Variants in LURAP1L observed in about 807,000 individuals in gnomAD.
LURAP1L encodes leucine rich adaptor protein 1 like, also known as leucine rich adaptor protein 1-like.
In LURAP1L, 12 loss-of-function variants were observed where a neutral mutation model predicts 13.8. That is an observed-to-expected ratio of 0.87 (90% CI 0.56 to 1.41). The LOEUF (loss-of-function observed/expected upper bound fraction) is 1.41, where lower values mean the gene tolerates loss of function less well. Ranked by LOEUF, LURAP1L falls within the 40% of genes most tolerant of loss-of-function variation. The pLI, the probability that LURAP1L is intolerant of heterozygous loss-of-function variation, is 0.00. For synonymous variants in LURAP1L, 139 were observed against 119.2 expected (o/e 1.17, Z -1.08); for missense variants, 375 against 292.9 (o/e 1.28, Z -2.04).
At chr9:12,790,641 G>T (rs1442605429) in intron 1 of LURAP1L, 3 of 152,036 alleles carry the variant, frequency 2.0e-5, no homozygotes, top group African/African-American at 7.2e-5. Context: ...TGCTGCAGGA[G>T]AATTTCTCGT....
chr9:12,814,677 T>A (rs552732407), intron 1 of LURAP1L, among the ~76,000 whole-genome samples: 6 of 152,330 alleles, frequency 3.9e-5, no homozygotes, highest in Middle Eastern at 3.4e-3. Flanking sequence ...AGGAGTCACA[T>A]GTGCTCCTTT....
chr9:12,804,123 G>A (rs1563894998), intron 1 of LURAP1L, among the ~76,000 whole-genome samples: 1 of 152,040 alleles, frequency 6.6e-6, no homozygotes, highest in Non-Finnish European at 1.5e-5. Context: ...GTGCAATAGG[G>A]TGGCTTTTAT....
At chr9:12,782,587 A>T (rs969368649) in intron 1 of LURAP1L, among the ~76,000 whole-genome samples, 1 of 152,088 alleles carries the variant, frequency 6.6e-6, no homozygotes, top group East Asian at 1.9e-4. Context: ...ATTTTGTTCC[A>T]TTGCTCAGTG....
chr9:12,816,672 T>G (rs1456186395), intron 1 of LURAP1L, among the ~76,000 whole-genome samples: 2 of 152,214 alleles, frequency 1.3e-5, no homozygotes, highest in Non-Finnish European at 2.9e-5. Context: ...TCATTTCAAG[T>G]TCTACCATAG....
At chr9:12,793,555 G>A (rs574926863) in intron 1 of LURAP1L, among the ~76,000 whole-genome samples, 7 of 152,048 alleles carry the variant, frequency 4.6e-5, no homozygotes, top group East Asian at 1.9e-4. Flanking sequence ...GGGATTATAA[G>A]AGACTAATTT....
chr9:12,786,494 ATAT>A (rs1432243050), intron 1 of LURAP1L, among the ~76,000 whole-genome samples: 1 of 141,208 alleles, frequency 7.1e-6, no homozygotes, highest in East Asian at 2.1e-4. Flanking sequence ...TCTGAGAATA[ATAT>A]TAATGAACCC....
intron 1 of LURAP1L, among the ~76,000 whole-genome samples, chr9:12,814,697 C>T (rs1243331069): frequency 6.6e-6 from 1 of 152,192 alleles, no homozygotes; most frequent in Non-Finnish European, 1.5e-5. Flanking sequence ...TCAAATACAC[C>T]AGATACAGCT....
chr9:12,777,430 T>A lies in LURAP1L; in HGVS notation c.312+1403T>A, dbSNP rs1004722169. On this transcript the variant is annotated intron_variant, in intron 1 of 1. Transcript: ENST00000319264. ...TTCTTGTACAAGGAATTAAGAATGT[T>A]GCTAACTCTGCAAATTAAGGACTTA... 3 of 985,250 alleles carry A rather than the reference T, an allele frequency of 3.0e-6. No individual in the cohort carries two copies. In the African/African-American group the frequency reaches 5.2e-5, roughly 17 times the overall value. 61.0% of individuals were successfully genotyped at this position (985,250 alleles called of 1,614,324 possible). A position where few individuals can be genotyped will look rare whatever the true frequency, so the allele number is the denominator to read the frequency against.
chr9:12,799,127 A>G (rs910767141), intron 1 of LURAP1L, among the ~76,000 whole-genome samples: 5 of 152,160 alleles, frequency 3.3e-5, no homozygotes, highest in African/African-American at 9.6e-5. Context: ...GAATCAGAAC[A>G]TCAAGATATT....
intron 1 of LURAP1L, 73 bp from the exon 2 acceptor site, chr9:12,821,313 G>T: frequency 2.0e-6 from 3 of 1,487,398 alleles, no homozygotes; most frequent in Non-Finnish European, 1.8e-6. Flanking sequence ...GCAGCAGACA[G>T]TCCCCAGATG....
rs745384628 is a variant in LURAP1L, at chr9:12,775,924, C to G, written c.209C>G (p.Ser70Trp). The G allele has an allele frequency of 2.9e-5, 45 of 1,572,854 alleles. No homozygotes were observed. The highest frequency in any genetic ancestry group is 5.6e-5 in the Admixed American group (3 of 53,168). ...SSYCSFPPSL[S>W]SSSSSSPTSG... is the part of the protein sequence containing the mutation. ...TACTGCAGCTTCCCTCCCTCCTTGT[C>G]GTCCTCCTCTTCGTCCTCCCCAACC... Residue 70 changes from serine (S) to tryptophan (W), a missense_variant, in exon 1 of 2, where the codon TCG becomes TGG. Transcript: ENST00000319264.
chr9:12,814,493 A>T (rs1214311288), intron 1 of LURAP1L: 1 of 152,188 alleles, frequency 6.6e-6, no homozygotes, highest in African/African-American at 2.4e-5. Flanking sequence ...ACTGTATTAG[A>T]TTATGGAAAA....
At chr9:12,794,748 A>G (rs533399846) in intron 1 of LURAP1L, among the ~76,000 whole-genome samples, 22 of 151,774 alleles carry the variant, frequency 1.4e-4, no homozygotes, top group African/African-American at 3.6e-4. Context: ...ACCATTTAAC[A>G]ACATAAATGT....
At chr9:12,791,394 A>G (rs1819438817) in intron 1 of LURAP1L, among the ~76,000 whole-genome samples, 1 of 152,048 alleles carries the variant, frequency 6.6e-6, no homozygotes, top group Non-Finnish European at 1.5e-5. Flanking sequence ...TCCCAAAGGC[A>G]TCCATTTTAC....
intron 1 of LURAP1L, among the ~76,000 whole-genome samples, chr9:12,819,843 A>C (rs1267356017): frequency 6.6e-6 from 1 of 152,068 alleles, no homozygotes; most frequent in Non-Finnish European, 1.5e-5. Context: ...AATCCCAGCT[A>C]CTCAGGAGGC....
At chr9:12,796,858 T>C (rs920919632) in intron 1 of LURAP1L, among the ~76,000 whole-genome samples, 8 of 151,832 alleles carry the variant, frequency 5.3e-5, no homozygotes, top group African/African-American at 1.7e-4. Context: ...AGTAACTTGC[T>C]TGGGTAAGTT....
chr9:12,817,217 T>C (rs1279483352), intron 1 of LURAP1L, among the ~76,000 whole-genome samples: 1 of 78,662 alleles, frequency 1.3e-5, no homozygotes, highest in Non-Finnish European at 2.5e-5. Flanking sequence ...CCGAAGCTAC[T>C]TTTTTTTTCC....
At chr9:12,786,119 C>T (rs1026735024) in intron 1 of LURAP1L, among the ~76,000 whole-genome samples, 10 of 151,980 alleles carry the variant, frequency 6.6e-5, no homozygotes, top group African/African-American at 2.4e-4. Flanking sequence ...AAACACTTTT[C>T]AAGTATTATG....
At chr9:12,797,668 T>A (rs1160643828) in intron 1 of LURAP1L, among the ~76,000 whole-genome samples, 3 of 152,112 alleles carry the variant, frequency 2.0e-5, no homozygotes, top group African/African-American at 7.2e-5. Context: ...AGCTTTTGGA[T>A]TTTATTTTAA....
Sources: allele counts gnomAD v4.1 joint callset (sites outside exome capture counted in the v4.1 genomes callset), GRCh38; gene constraint gnomAD v4.1.1; transcripts MANE v1.5; gene names NCBI Gene and HGNC (gene_info 2026-07-23, HGNC 2026-07-21).